The following RPL22 variants were observed in gnomAD, a reference collection of about 807,000 sequenced individuals.
RPL22 encodes the protein ribosomal protein L22.
In RPL22, 4 loss-of-function variants were observed where a neutral mutation model predicts 16.2. The ratio of observed to expected loss-of-function variants is 0.25; its 90% CI spans 0.12 to 0.57. The LOEUF (loss-of-function observed/expected upper bound fraction) is 0.57, where lower values mean the gene tolerates loss of function less well. RPL22 is among the 20% of genes least tolerant of loss of function. RPL22 has a pLI of 0.92. For missense variants in RPL22, 83 were observed against 156.1 expected (o/e 0.53, Z 2.49); for synonymous variants, 43 against 54.8 (o/e 0.78, Z 0.95).
At chr1:6,199,414 G>A in intron 1 of RPL22, 148 bp downstream of exon 1, 1 of 1,391,166 alleles carries the variant, frequency 7.2e-7, no homozygotes, top group South Asian at 1.7e-5. Flanking sequence ...GGGATCGGCA[G>A]GGGCTCTGGC....
chr1:6,189,621 A>AAAAC (rs2100902440), intron 3 of RPL22, among the ~76,000 whole-genome samples: 3 of 151,964 alleles, frequency 2.0e-5, no homozygotes, highest in South Asian at 4.2e-4. Context: ...TTAAAAAAAA[A>AAAAC]AAAAAAACCC....
rs550588327 is a variant in RPL22 at position 6,187,314 on chromosome 1, G to T, written c.243-498C>A. On this transcript the variant is annotated intron_variant, in intron 3 of 3. Transcript: ENST00000234875. ...CAGAGCAAGACTGCCTCCAAAAAAA[G>T]AAAAAAGAAAAAAAACTAGGCCAGG... is the stretch of plus-strand genomic sequence containing the variant. Among the ~76,000 whole-genome samples, 16 of 147,934 alleles carry T rather than the reference G, an allele frequency of 1.1e-4. 1 individual carries two copies. In the South Asian group the frequency reaches 3.5e-3, roughly 32 times the overall value.
intron 3 of RPL22, 127 bp from the exon 4 acceptor site, chr1:6,186,943 G>A (rs1667589185): frequency 1.4e-6 from 2 of 1,427,698 alleles, no homozygotes; most frequent in African/African-American, 2.9e-5. Flanking sequence ...CCTCAAAAAT[G>A]GCAAAGGTAA....
intron 2 of RPL22, among the ~76,000 whole-genome samples, chr1:6,195,495 A>G (rs556371824): frequency 1.9e-4 from 29 of 151,574 alleles, no homozygotes; most frequent in African/African-American, 7.0e-4. Context: ...CATGCTTGTA[A>G]TCCCGATACT....
At chr1:6,187,614 AAAAAAAAAAAAAC>A (rs548829935) in intron 3 of RPL22, among the ~76,000 whole-genome samples, 96 of 87,366 alleles carry the variant, frequency 1.1e-3, no homozygotes, top group Non-Finnish European at 1.3e-3. Context: ...ACTCCATCTC[AAAAAAAAAAAAAC>A]AAAAAAAAAA....
intron 1 of RPL22, 116 bp from the exon 2 acceptor site, chr1:6,197,872 A>G (rs1394985471): frequency 1.3e-6 from 1 of 787,308 alleles, no homozygotes; most frequent in Non-Finnish European, 2.1e-6. Flanking sequence ...AAACTAACGG[A>G]AGTGTGCTCC....
chr1:6,196,727 T>C (rs1488426550), intron 2 of RPL22, among the ~76,000 whole-genome samples: 1 of 151,258 alleles, frequency 6.6e-6, no homozygotes, highest in East Asian at 1.9e-4. Flanking sequence ...GATAGAGGAA[T>C]ATTGGGGAAT....
At chr1:6,193,511 C>T (rs1304511932) in intron 2 of RPL22, among the ~76,000 whole-genome samples, 3 of 152,020 alleles carry the variant, frequency 2.0e-5, no homozygotes, top group Non-Finnish European at 4.4e-5. Context: ...TTAGTAGAGA[C>T]GGGGTTTCTC....
At chr1:6,190,318 A>G (rs1667633965) in intron 3 of RPL22, among the ~76,000 whole-genome samples, 1 of 152,230 alleles carries the variant, frequency 6.6e-6, no homozygotes, top group African/African-American at 2.4e-5. Context: ...AGCATTAACT[A>G]CAACCAATTT....
At position 6,194,805 on chromosome 1, in the gene RPL22, T is replaced by C. The variant is rs116613757; in HGVS notation, c.118-1751A>G. Among the ~76,000 whole-genome samples, 728 of 152,228 alleles carry C rather than the reference T, an allele frequency of 4.8e-3. 4 individuals carry two copies. The highest frequency in any genetic ancestry group is 0.017 in the African/African-American group (701 of 41,536). ...CCAGAGGCTGAGGTGGGAGGATCAC[T>C]TGGGCCTATGAGGTTGAGGCTGCAG... On this transcript the variant is annotated intron_variant, in intron 2 of 3. Coordinates refer to ENST00000234875, the MANE Select transcript of RPL22 (RefSeq NM_000983.4).
At chr1:6,190,798 G>A (rs1462207921) in intron 3 of RPL22, among the ~76,000 whole-genome samples, 1 of 152,224 alleles carries the variant, frequency 6.6e-6, no homozygotes, top group Non-Finnish European at 1.5e-5. Flanking sequence ...GCAAATTAAT[G>A]TCTCCATTTT....
rs780735839 is a variant in RPL22 at position 6,185,692 on chromosome 1, G to A, written c.*980C>T. On this transcript the variant is annotated 3_prime_UTR_variant, in exon 4 of 4. Coordinates refer to ENST00000234875, the MANE Select transcript of RPL22 (RefSeq NM_000983.4). ...CCACAAGGCACCAGAGTCTTTCAAA[G>A]TCACTCACAGCAACAATTGCATTTT... is the stretch of plus-strand genomic sequence containing the variant. 2.5e-5 allele frequency: 7 copies of A among 278,828 alleles called. No individual in the cohort carries two copies. The highest frequency in any genetic ancestry group is 2.1e-4 in the Admixed American group (4 of 18,990). 17.3% of individuals were successfully genotyped at this position (278,828 alleles called of 1,614,324 possible).
chr1:6,188,944 C>A (rs1340174676), intron 3 of RPL22, among the ~76,000 whole-genome samples: 2 of 148,130 alleles, frequency 1.4e-5, no homozygotes, highest in African/African-American at 5.3e-5. Flanking sequence ...TGCCACCACG[C>A]CCAGCTAATT....
chr1:6,192,625 G>A (rs1350832481), intron 3 of RPL22, among the ~76,000 whole-genome samples: 1 of 152,190 alleles, frequency 6.6e-6, no homozygotes, highest in East Asian at 1.9e-4. Context: ...CTTGAACCCA[G>A]GAGGCGGAGG....
At chr1:6,191,657 A>G (rs1215569476) in intron 3 of RPL22, among the ~76,000 whole-genome samples, 1 of 150,084 alleles carries the variant, frequency 6.7e-6, no homozygotes, top group African/African-American at 2.5e-5. Context: ...CCTGGGCAAC[A>G]AAGCGAGACT....
chr1:6,191,095 C>G (rs974804017), intron 3 of RPL22, among the ~76,000 whole-genome samples: 2 of 151,974 alleles, frequency 1.3e-5, no homozygotes, highest in Non-Finnish European at 2.9e-5. Context: ...CGCGGTGGCT[C>G]ACGCCTGTAA....
chr1:6,193,936 C>T (rs1230439288), intron 2 of RPL22, among the ~76,000 whole-genome samples: 1 of 152,104 alleles, frequency 6.6e-6, no homozygotes, highest in Admixed American at 6.5e-5. Flanking sequence ...CAGACTTTTA[C>T]AAGATACGCC....
intron 2 of RPL22, among the ~76,000 whole-genome samples, chr1:6,195,504 C>T (rs1446859381): frequency 6.6e-6 from 1 of 150,938 alleles, no homozygotes; most frequent in Non-Finnish European, 1.5e-5. Context: ...AATCCCGATA[C>T]TTTGGGAGGC....
At chr1:6,190,099 G>GC (rs1407983760) in intron 3 of RPL22, among the ~76,000 whole-genome samples, 1 of 152,126 alleles carries the variant, frequency 6.6e-6, no homozygotes, top group African/African-American at 2.4e-5. Flanking sequence ...TTGTGAAAAC[G>GC]CAAGTGACGC....
Sources: allele counts gnomAD v4.1 joint callset (sites outside exome capture counted in the v4.1 genomes callset), GRCh38; gene constraint gnomAD v4.1.1; transcripts MANE v1.5; gene names NCBI Gene and HGNC (gene_info 2026-07-23, HGNC 2026-07-21).